The following ARL15 variants were observed in gnomAD, a reference collection of about 807,000 sequenced individuals.
The protein encoded by ARL15 is ADP-ribosylation factor-like protein 15.
ARL15 carries 19 observed loss-of-function variants against 25.2 expected under a neutral mutation model. That is an observed-to-expected ratio of 0.75 (90% CI 0.53 to 1.10). ARL15 has a LOEUF of 1.10. Ranked by LOEUF, ARL15 falls within the 50% of genes least tolerant of loss-of-function variation. The pLI is 0.00. For synonymous variants in ARL15, 94 were observed against 86.8 expected, an observed-to-expected ratio of 1.08 and a Z score of -0.46; for missense variants, 220 against 246.0, an observed-to-expected ratio of 0.89 and a Z score of 0.71.
chr5:53,961,118 T>C (rs1747349660), intron 4 of ARL15, among the ~76,000 whole-genome samples: 1 of 152,144 alleles, frequency 6.6e-6, no homozygotes. Context: ...GAAACAAGGT[T>C]ATGGTTAGGC....
chr5:54,057,491 T>C (rs941362747), intron 4 of ARL15, among the ~76,000 whole-genome samples: 27 of 152,196 alleles, frequency 1.8e-4, no homozygotes, highest in African/African-American at 6.0e-4. Context: ...TCACTAAACA[T>C]TATAAATGAA....
At chr5:54,021,781 T>A (rs188169083) in intron 4 of ARL15, among the ~76,000 whole-genome samples, 1 of 152,326 alleles carries the variant, frequency 6.6e-6, no homozygotes, top group East Asian at 1.9e-4. Flanking sequence ...GTTTACAGAT[T>A]GAAGTTTAGA....
At chr5:54,129,279 C>T (rs1213693429) in intron 3 of ARL15, among the ~76,000 whole-genome samples, 1 of 152,086 alleles carries the variant, frequency 6.6e-6, no homozygotes, top group African/African-American at 2.4e-5. Context: ...AAATTAATAA[C>T]CTAAAGCTCC....
intron 3 of ARL15, among the ~76,000 whole-genome samples, chr5:54,145,182 C>G (rs549641507): frequency 2.0e-5 from 3 of 152,044 alleles, no homozygotes; most frequent in Non-Finnish European, 2.9e-5. Context: ...CAATCATGTA[C>G]GTTGCTTAAA....
intron 4 of ARL15, among the ~76,000 whole-genome samples, chr5:54,083,978 G>C (rs1169681235): frequency 6.6e-6 from 1 of 152,152 alleles, no homozygotes; most frequent in Admixed American, 6.5e-5. Context: ...TGATCTATAT[G>C]GGGGTAGTAA....
At position 53,960,817 on chromosome 5, in the gene ARL15, C is replaced by T. The variant is rs185043001; in HGVS notation, c.463-74104G>A. The stretch of plus-strand genomic sequence containing the variant: ...AGCTCAGAGTATTCCACTTTCAATC[C>T]TCTGTGCCTTTTATACTCACATATT... On this transcript the variant is annotated intron_variant, in intron 4 of 4. Transcript: ENST00000504924. Among the ~76,000 whole-genome samples the T allele has an allele frequency of 5.3e-5, 8 of 152,326 alleles. No homozygotes were observed. The East Asian group carries it at 1.5e-3, about 29-fold the overall frequency.
In ARL15 at chr5:53,886,316, G is replaced by A. The variant is rs545486644; in HGVS notation, c.*245C>T. ...AGAACAACAGAAGGAAGAGACATGC[G>A]GGGAAGATAATTAGTGGTAAACAGA... On this transcript the variant is annotated 3_prime_UTR_variant, in exon 5 of 5. Coordinates refer to ENST00000504924, the MANE Select transcript of ARL15 (RefSeq NM_019087.3). The A allele has an allele frequency of 1.2e-5, 5 of 403,714 alleles. No individual in the cohort carries two copies. Among genetic ancestry groups the A allele is most frequent in the South Asian group, 3.8e-5 (1 of 26,612 alleles). 25.0% of individuals were successfully genotyped at this position (403,714 alleles called of 1,614,324 possible).
At chr5:53,937,948 A>G (rs1028355350) in intron 4 of ARL15, among the ~76,000 whole-genome samples, 7 of 152,140 alleles carry the variant, frequency 4.6e-5, no homozygotes, top group Admixed American at 2.0e-4. Context: ...TGGGGTAAAC[A>G]ATTTCCATGG....
intron 4 of ARL15, among the ~76,000 whole-genome samples, chr5:54,019,127 A>G (rs1021185384): frequency 6.6e-6 from 1 of 152,070 alleles, no homozygotes; most frequent in African/African-American, 2.4e-5. Flanking sequence ...ATCATAAAGT[A>G]TAAGACTTTC....
intron 4 of ARL15, among the ~76,000 whole-genome samples, chr5:54,078,440 A>T (rs6875391): frequency 1.7e-4 from 26 of 152,226 alleles, no homozygotes; most frequent in African/African-American, 6.0e-4. Context: ...TCACTAAATG[A>T]TACACACAGG....
chr5:54,097,232 G>A (rs1012448861), intron 4 of ARL15, among the ~76,000 whole-genome samples: 7 of 152,100 alleles, frequency 4.6e-5, no homozygotes, highest in African/African-American at 1.4e-4. Flanking sequence ...CAGGAGAATC[G>A]CTTGAAGCTG....
intron 1 of ARL15, among the ~76,000 whole-genome samples, chr5:54,254,339 T>C (rs1419112403): frequency 6.6e-6 from 1 of 152,120 alleles, no homozygotes; most frequent in Non-Finnish European, 1.5e-5. Context: ...ATATAAGGAG[T>C]CTGACTTATT....
chr5:53,941,304 C>A (rs952285059), intron 4 of ARL15, among the ~76,000 whole-genome samples: 2 of 152,050 alleles, frequency 1.3e-5, no homozygotes, highest in Admixed American at 6.5e-5. Flanking sequence ...GTATACAGAA[C>A]TACGTGGAAA....
chr5:54,270,673 G>C (rs1425057556), intron 1 of ARL15, among the ~76,000 whole-genome samples: 5 of 152,336 alleles, frequency 3.3e-5, no homozygotes, highest in Non-Finnish European at 7.3e-5. Context: ...CAATCTGTTA[G>C]GTCTGTGTTG....
intron 4 of ARL15, among the ~76,000 whole-genome samples, chr5:53,922,934 T>G (rs1201981596): frequency 6.6e-6 from 1 of 152,224 alleles, no homozygotes; most frequent in Non-Finnish European, 1.5e-5. Context: ...GCTGACTGAC[T>G]GACATTTATT....
chr5:53,910,780 T>C (rs1427846882), intron 4 of ARL15, among the ~76,000 whole-genome samples: 1 of 151,094 alleles, frequency 6.6e-6, no homozygotes, highest in Non-Finnish European at 1.5e-5. Context: ...CAGATCATGA[T>C]TCCCCTGCCC....
intron 1 of ARL15, among the ~76,000 whole-genome samples, chr5:54,206,791 T>A (rs57562307): frequency 0.32 from 48,760 of 152,006 alleles, 8,265 homozygotes; most frequent in Middle Eastern, 0.39. Context: ...CAAGAAAATG[T>A]AAGGGCAGCC....
At chr5:53,912,764 T>C (rs140109647) in intron 4 of ARL15, among the ~76,000 whole-genome samples, 94 of 152,282 alleles carry the variant, frequency 6.2e-4, no homozygotes, top group Middle Eastern at 6.8e-3. Context: ...ATTCAACTTA[T>C]CCATTCATTC....
intron 4 of ARL15, among the ~76,000 whole-genome samples, chr5:53,944,907 C>A (rs1223127606): frequency 6.6e-6 from 1 of 152,166 alleles, no homozygotes; most frequent in Non-Finnish European, 1.5e-5. Context: ...TTAAGTTACA[C>A]TATGCAGAGA....
Sources: gnomAD v4.1 joint callset for allele counts (sites outside exome capture counted in the v4.1 genomes callset) on GRCh38, gnomAD v4.1.1 for gene constraint, MANE v1.5 for transcripts, NCBI Gene and HGNC (gene_info 2026-07-23, HGNC 2026-07-21) for gene names.